PHLPP2: variants seen among roughly 807,000 people sequenced by gnomAD.
PHLPP2 encodes PH domain and leucine rich repeat protein phosphatase 2, also known as PH domain leucine-rich repeat-containing protein phosphatase 2.
In PHLPP2, 66 loss-of-function variants were observed where a neutral mutation model predicts 124.9. That is an observed-to-expected ratio of 0.53 (90% confidence interval 0.43 to 0.65). PHLPP2 has a LOEUF of 0.65. Among genes scored for constraint, PHLPP2 ranks in the 30% least tolerant of loss-of-function variants. The pLI is 0.00. For missense variants in PHLPP2, 1,685 were observed against 1,600.4 expected (o/e 1.05, Z -0.90); for synonymous variants, 681 against 624.7 (o/e 1.09, Z -1.34).
intron 3 of PHLPP2, among the ~76,000 whole-genome samples, chr16:71,695,264 T>G (rs1255726368): frequency 6.6e-6 from 1 of 152,216 alleles, no homozygotes; most frequent in Non-Finnish European, 1.5e-5. Flanking sequence ...TAGAGATCAC[T>G]CTGAAGGAAT....
intron 9 of PHLPP2, among the ~76,000 whole-genome samples, chr16:71,673,845 C>T (rs1024270569): frequency 2.6e-5 from 4 of 152,098 alleles, no homozygotes; most frequent in Non-Finnish European, 5.9e-5. Flanking sequence ...CATCTATAAA[C>T]AGCATAAGTC....
rs755227989 is a variant in PHLPP2, at chr16:71,651,338, C to CAA, written c.2818-1296_2818-1295dup. 6.6e-5 allele frequency among the ~76,000 whole-genome samples: 8 copies of CAA among 121,802 alleles called. No individual in the cohort carries two copies. In the East Asian group the frequency reaches 1.2e-3, roughly 18 times the overall value. The allele number at this position is 121,802 out of a possible 152,430, so 79.9% of individuals were successfully genotyped here. ...AGGCAATAAGAACGAAATTCTGCCT[C>CAA]AAAAAAAAAAAAAGAAAAGAAAAAT... On this transcript the variant is annotated intron_variant, in intron 18 of 18. Transcript: ENST00000568954.
At position 71,664,011 on chromosome 16, in the gene PHLPP2, G is replaced by T; in HGVS notation, c.1873C>A (p.Leu625Ile). 1 of 1,613,890 alleles carries T rather than the reference G, an allele frequency of 6.2e-7. No homozygotes were observed. The highest frequency in any genetic ancestry group is 8.5e-7 in the Non-Finnish European group (1 of 1,179,752). Residue 625 changes from leucine to isoleucine, a missense_variant, in exon 13 of 19, where the codon CTT becomes ATT. Physicochemically the swap from Leu to Ile is conservative, Grantham distance 5 (BLOSUM62 2). Coordinates refer to ENST00000568954, the MANE Select transcript of PHLPP2 (RefSeq NM_015020.3). ...GTCAGGAGATTGTTGGTCAGATAAA[G>T]CAGCTGCAGCATACTCAAACTCTCC... ...GEESLSMLQL[L>I]YLTNNLLTDQ...
intron 3 of PHLPP2, among the ~76,000 whole-genome samples, chr16:71,700,056 T>C (rs2045214689): frequency 6.6e-6 from 1 of 152,158 alleles, no homozygotes; most frequent in Non-Finnish European, 1.5e-5. Context: ...GGGGTACCCC[T>C]GTCACAAGTC....
intron 9 of PHLPP2, among the ~76,000 whole-genome samples, chr16:71,672,635 C>T (rs1177556038): frequency 6.6e-6 from 1 of 152,140 alleles, no homozygotes; most frequent in Admixed American, 6.5e-5. Context: ...CTTTTACTGG[C>T]AATATTTTAA....
intron 12 of PHLPP2, among the ~76,000 whole-genome samples, chr16:71,666,610 G>A (rs970568965): frequency 1.3e-5 from 2 of 152,188 alleles, no homozygotes; most frequent in South Asian, 4.1e-4. Flanking sequence ...AGGTAAACCT[G>A]ATTACAGGCC....
chr16:71,686,522 T>G (rs2045056775), intron 4 of PHLPP2, among the ~76,000 whole-genome samples: 1 of 152,098 alleles, frequency 6.6e-6, no homozygotes, highest in Non-Finnish European at 1.5e-5. Flanking sequence ...TCATGAGTTT[T>G]TATAAATGAA....
At position 71,679,341 on chromosome 16, in the gene PHLPP2, G is replaced by C. The variant is rs552576561; in HGVS notation, c.1037+48C>G. Reference sequence around the variant, plus strand: ...TACCTTCATTCCAAACCCCAGGCAAGTTCCTTATTCTGCAAGGGAAAAGAG... The same window carrying C: ...TACCTTCATTCCAAACCCCAGGCAACTTCCTTATTCTGCAAGGGAAAAGAG... On this transcript the variant is annotated intron_variant, in intron 7 of 18. Transcript: ENST00000568954. 3.2e-6 allele frequency: 5 copies of C among 1,547,300 alleles called. No individual in the cohort carries two copies. The East Asian group carries it at 6.7e-5, about 21-fold the overall frequency.
At position 71,645,663 on chromosome 16, in the gene PHLPP2, C is replaced by T. The variant is rs927665915; in HGVS notation, c.*3227G>A. ...TGGCTCCATCTCCTGGAAAACAGCA[C>T]TCACTACAAGCAACTGTAATAGCAC... is the stretch of plus-strand genomic sequence containing the variant. On this transcript the variant is annotated 3_prime_UTR_variant, in exon 19 of 19. Transcript: ENST00000568954. 3 of 153,358 alleles carry T rather than the reference C, an allele frequency of 2.0e-5. No homozygotes were observed. Among genetic ancestry groups the T allele is most frequent in the African/African-American group, 2.4e-5 (1 of 41,428 alleles). 9.5% of individuals were successfully genotyped at this position (153,358 alleles called of 1,614,324 possible).
chr16:71,715,054 T>G (rs1277332812), intron 1 of PHLPP2: 1 of 493,426 alleles, frequency 2.0e-6, no homozygotes, highest in African/African-American at 1.9e-5. Flanking sequence ...CAGAAACGTG[T>G]CAAGAATAAC....
At position 71,658,699 on chromosome 16, in the gene PHLPP2, T is replaced by C. The variant is rs139813458; in HGVS notation, c.2102A>G (p.Asn701Ser). 493 of 1,614,150 alleles carry C rather than the reference T, an allele frequency of 3.1e-4. 4 individuals carry two copies. The East Asian group carries it at 8.4e-3, about 27-fold the overall frequency. Residue 701 changes from asparagine (N) to serine (S), a missense_variant, in exon 14 of 19, where the codon AAC becomes AGC. By Grantham distance (46) the Asn-to-Ser change is conservative (BLOSUM62 1). Transcript: ENST00000568954. ...KRLHTLVAHSNNISIFPEILQ... is the reference protein window; with the variant it reads ...KRLHTLVAHSSNISIFPEILQ... ...TATTTCTGGGAAAATGCTGATGTTG[T>C]TGGAGTGTGCAACAAGGGTGTGCAG...
At chr16:71,696,591 T>G (rs997107869) in intron 3 of PHLPP2, among the ~76,000 whole-genome samples, 2 of 149,968 alleles carry the variant, frequency 1.3e-5, no homozygotes, top group Non-Finnish European at 3.0e-5. Context: ...GAGCTGAGAT[T>G]GCACCCGGCC....
intron 2 of PHLPP2, among the ~76,000 whole-genome samples, chr16:71,711,037 T>A (rs998597453): frequency 6.6e-6 from 1 of 151,668 alleles, no homozygotes; most frequent in South Asian, 2.1e-4. Flanking sequence ...ACCATGAAAT[T>A]AAGATGATCC....
chr16:71,700,717 G>A (rs938524799), intron 3 of PHLPP2, among the ~76,000 whole-genome samples: 2 of 151,946 alleles, frequency 1.3e-5, no homozygotes, highest in African/African-American at 4.8e-5. Flanking sequence ...AGTAGAGACA[G>A]GGTTTCACTG....
At chr16:71,679,299 G>C in intron 7 of PHLPP2, 90 bp downstream of exon 7, 1 of 1,167,882 alleles carries the variant, frequency 8.6e-7, no homozygotes, top group East Asian at 2.3e-5. Flanking sequence ...ATAGTTCACT[G>C]CAAGAGTTCA....
intron 2 of PHLPP2, among the ~76,000 whole-genome samples, chr16:71,706,726 C>T (rs2045276692): frequency 6.6e-6 from 1 of 152,036 alleles, no homozygotes; most frequent in Non-Finnish European, 1.5e-5. Flanking sequence ...ACAATTAGTA[C>T]ATAATGACAT....
Position 71,723,735 on chromosome 16 carries a change from G to A in PHLPP2, c.-7+594C>T. 5 of 1,036,290 alleles carry A rather than the reference G, an allele frequency of 4.8e-6. No homozygotes were observed. In the South Asian group the frequency reaches 7.2e-5, roughly 15 times the overall value. 64.2% of individuals were successfully genotyped at this position (1,036,290 alleles called of 1,614,324 possible). Reference sequence around the variant, plus strand: ...CCCTAGTCCGCTTGCCCGCTCGCCCGCTCGCTCGCTCGCTGGTCCATCCGC... The same window carrying A: ...CCCTAGTCCGCTTGCCCGCTCGCCCACTCGCTCGCTCGCTGGTCCATCCGC... On this transcript the variant is annotated intron_variant, in intron 1 of 18. Transcript: ENST00000568954.
At chr16:71,703,677 C>T (rs1179936479) in intron 2 of PHLPP2, among the ~76,000 whole-genome samples, 8 of 152,322 alleles carry the variant, frequency 5.3e-5, no homozygotes, top group Non-Finnish European at 1.2e-4. Context: ...AGTCCTGCCA[C>T]TTACCAACTG....
chr16:71,692,588 G>A (rs554381232), intron 3 of PHLPP2, among the ~76,000 whole-genome samples: 1 of 152,116 alleles, frequency 6.6e-6, no homozygotes, highest in South Asian at 2.1e-4. Flanking sequence ...TTCTATTCTA[G>A]GTCAATCCTT....
Sources: gnomAD v4.1 joint callset for allele counts (sites outside exome capture counted in the v4.1 genomes callset) on GRCh38, gnomAD v4.1.1 for gene constraint, MANE v1.5 for transcripts, NCBI Gene and HGNC (gene_info 2026-07-23, HGNC 2026-07-21) for gene names.